PPP1R12A: variants seen among roughly 807,000 people sequenced by gnomAD.
The protein encoded by PPP1R12A is myosin binding subunit.
PPP1R12A carries 19 observed loss-of-function variants against 139.6 expected under a neutral mutation model. The observed-to-expected ratio is 0.14, with a 90% CI of 0.09 to 0.20. The LOEUF (loss-of-function observed/expected upper bound fraction) is 0.20, where lower values mean the gene tolerates loss of function less well. Ranked by LOEUF, PPP1R12A falls within the 10% of genes least tolerant of loss-of-function variation. PPP1R12A has a pLI of 1.00. For synonymous variants in PPP1R12A, 427 were observed against 420.6 expected, an observed-to-expected ratio of 1.02 and a Z score of -0.19; for missense variants, 925 against 1,211.5, an observed-to-expected ratio of 0.76 and a Z score of 3.51.
chr12:79,910,921 A>C (rs1386047910), intron 1 of PPP1R12A, among the ~76,000 whole-genome samples: 1 of 152,214 alleles, frequency 6.6e-6, no homozygotes, highest in Admixed American at 6.5e-5. Context: ...AGAATTCTGA[A>C]GATCAATATA....
intron 21 of PPP1R12A, chr12:79,787,995 G>C (rs1477653955): frequency 6.6e-6 from 1 of 152,164 alleles, no homozygotes; most frequent in Non-Finnish European, 1.5e-5. Context: ...CCCATGAGTA[G>C]AATCTCTCTA....
At chr12:79,926,593 T>C (rs1270742960) in intron 1 of PPP1R12A, among the ~76,000 whole-genome samples, 1 of 152,240 alleles carries the variant, frequency 6.6e-6, no homozygotes, top group African/African-American at 2.4e-5. Flanking sequence ...TTTTAAAAGT[T>C]TGTCAGTGTG....
At chr12:79,915,639 C>T (rs561725855) in intron 1 of PPP1R12A, among the ~76,000 whole-genome samples, 4 of 152,022 alleles carry the variant, frequency 2.6e-5, no homozygotes, top group Non-Finnish European at 5.9e-5. Context: ...TAAATTAATA[C>T]CCATTATCTT....
intron 9 of PPP1R12A, among the ~76,000 whole-genome samples, chr12:79,814,815 CAAAAAAAAAAA>C (rs149384466): frequency 5.7e-5 from 4 of 69,736 alleles, no homozygotes; most frequent in East Asian, 6.0e-4. Flanking sequence ...AACTCTGTCT[CAAAAAAAAAAA>C]AAAAAAAAAA....
intron 22 of PPP1R12A, among the ~76,000 whole-genome samples, chr12:79,783,609 T>C (rs754982553): frequency 5.9e-5 from 9 of 152,272 alleles, no homozygotes; most frequent in African/African-American, 1.4e-4. Flanking sequence ...AAATAAATCA[T>C]AGAAACTCTT....
chr12:79,907,206 T>C (rs1486736333), intron 1 of PPP1R12A, among the ~76,000 whole-genome samples: 1 of 152,210 alleles, frequency 6.6e-6, no homozygotes, highest in African/African-American at 2.4e-5. Context: ...TCTTTTGATA[T>C]ATTTTCCAAT....
At chr12:79,934,663 G>GT in intron 1 of PPP1R12A, 32 bp downstream of exon 1, 1 of 1,498,006 alleles carries the variant, frequency 6.7e-7, no homozygotes, top group Non-Finnish European at 9.0e-7. Flanking sequence ...GAACCCTCAC[G>GT]GTCAGGAGAG....
At chr12:79,843,743 C>G (rs28399936) in intron 3 of PPP1R12A, among the ~76,000 whole-genome samples, 53,717 of 149,012 alleles carry the variant, frequency 0.36, 16,924 homozygotes, top group African/African-American at 0.81. Context: ...TCACTCTGTT[C>G]TCAAGGCTGG....
intron 1 of PPP1R12A, among the ~76,000 whole-genome samples, chr12:79,901,208 A>C (rs756769992): frequency 5.4e-4 from 82 of 152,192 alleles, no homozygotes; most frequent in Non-Finnish European, 1.0e-3. Flanking sequence ...ATGAGCCAGC[A>C]AAGTAAGGAT....
intron 6 of PPP1R12A, 137 bp downstream of exon 6, chr12:79,821,979 T>C (rs983812728): frequency 5.2e-6 from 3 of 576,046 alleles, no homozygotes; most frequent in Admixed American, 3.0e-5. Context: ...TTTATTCTCT[T>C]TCACTATCAT....
intron 1 of PPP1R12A, among the ~76,000 whole-genome samples, chr12:79,911,822 C>G (rs1176678846): frequency 6.6e-6 from 1 of 152,086 alleles, no homozygotes; most frequent in Non-Finnish European, 1.5e-5. Context: ...CTCCTCTCCA[C>G]CTCCGATTCC....
At chr12:79,933,781 G>A (rs964302245) in intron 1 of PPP1R12A, among the ~76,000 whole-genome samples, 3 of 152,210 alleles carry the variant, frequency 2.0e-5, no homozygotes, top group Non-Finnish European at 4.4e-5. Flanking sequence ...ATCCCAATCA[G>A]ACTACTATAA....
At chr12:79,876,769 C>T (rs1043840290) in intron 1 of PPP1R12A, among the ~76,000 whole-genome samples, 10 of 151,930 alleles carry the variant, frequency 6.6e-5, no homozygotes, top group Non-Finnish European at 8.8e-5. Flanking sequence ...AGTTTTAAAG[C>T]GGGAGGCTGA....
rs559455059 is a variant in PPP1R12A, at chr12:79,788,655, A to C, written c.2795T>G (p.Phe932Cys). The C allele has an allele frequency of 1.9e-6, 3 of 1,609,176 alleles. No individual in the cohort carries two copies. The highest frequency in any genetic ancestry group is 4.5e-5 in the East Asian group (2 of 44,808). Reference protein sequence around the residue: ...SRLEKDDSTDFKKLYEQILAE... With the variant: ...SRLEKDDSTDCKKLYEQILAE... ...ACTAAATAACCCAAGTACCTTTTTA[A>C]AGTCAGTTGAGTCATCCTTTTCTAG... The change falls in exon 21 of 25, where the codon TTT becomes TGT. Residue 932 changes from phenylalanine to cysteine, a missense_variant. This residue lies in a region of PPP1R12A where 315 missense variants were observed against 363.4 expected (regional missense o/e 0.87). Coordinates refer to ENST00000450142, the MANE Select transcript of PPP1R12A (RefSeq NM_002480.3).
At chr12:79,900,767 A>C (rs1885565920) in intron 1 of PPP1R12A, among the ~76,000 whole-genome samples, 1 of 152,200 alleles carries the variant, frequency 6.6e-6, no homozygotes, top group Admixed American at 6.5e-5. Flanking sequence ...AAATCAATGC[A>C]GCAATCAATG....
chr12:79,848,922 CTG>C (rs1243602536), intron 2 of PPP1R12A: 4 of 151,936 alleles, frequency 2.6e-5, no homozygotes, highest in Non-Finnish European at 5.9e-5. Context: ...CCACCTCTGC[CTG>C]TTGACACCTG....
At position 79,806,379 on chromosome 12, in the gene PPP1R12A, T is replaced by C. The variant is rs758031095; in HGVS notation, c.1656-46A>G. Reference sequence around the variant, plus strand: ...TATATAGGATGTGTTTGTATGTGTATTCTATAGTTAATGTCTATACATTAT... The same window carrying C: ...TATATAGGATGTGTTTGTATGTGTACTCTATAGTTAATGTCTATACATTAT... On this transcript the variant is annotated intron_variant, in intron 12 of 24. Coordinates refer to ENST00000450142, the MANE Select transcript of PPP1R12A (RefSeq NM_002480.3). 2.0e-6 allele frequency: 3 copies of C among 1,535,298 alleles called. No homozygotes were observed. The South Asian group carries it at 3.5e-5, about 18-fold the overall frequency.
chr12:79,818,298 C>T (rs1875654680), intron 8 of PPP1R12A, among the ~76,000 whole-genome samples: 1 of 152,134 alleles, frequency 6.6e-6, no homozygotes, highest in African/African-American at 2.4e-5. Context: ...GGTTGGGGTA[C>T]AGTGGCATGA....
intron 2 of PPP1R12A, among the ~76,000 whole-genome samples, chr12:79,862,148 C>T (rs1474359989): frequency 6.6e-6 from 1 of 152,218 alleles, no homozygotes; most frequent in African/African-American, 2.4e-5. Context: ...TGCTGTTCTG[C>T]AGCCTCCATT....
Sources: gnomAD v4.1 joint callset for allele counts (sites outside exome capture counted in the v4.1 genomes callset) on GRCh38, gnomAD v4.1.1 for gene constraint, gnomAD v4.1.1 regional missense constraint, MANE v1.5 for transcripts, NCBI Gene and HGNC (gene_info 2026-07-23, HGNC 2026-07-21) for gene names.